Variants in SLC22A9 observed in about 807,000 individuals in gnomAD.
SLC22A9 encodes solute carrier family 22 member 9, also known as organic anion transporter 7.
SLC22A9 carries 64 observed loss-of-function variants against 50.1 expected under a neutral mutation model. The observed-to-expected ratio is 1.28, with a 90% confidence interval of 1.04 to 1.57. The LOEUF (loss-of-function observed/expected upper bound fraction) is 1.57. Among genes scored for constraint, SLC22A9 ranks in the 40% most tolerant of loss-of-function variants. The probability of loss-of-function intolerance (pLI) is 0.00; values close to 1 mark genes in which losing one functional copy is unlikely to be tolerated. For missense variants in SLC22A9, 757 were observed against 676.1 expected, an observed-to-expected ratio of 1.12 and a Z score of -1.33; for synonymous variants, 261 against 242.5, an observed-to-expected ratio of 1.08 and a Z score of -0.71.
intron 6 of SLC22A9, among the ~76,000 whole-genome samples, chr11:63,404,337 A>G (rs2015001835): frequency 6.6e-6 from 1 of 152,112 alleles, no homozygotes; most frequent in African/African-American, 2.4e-5. Flanking sequence ...GGGAGTTGTC[A>G]TTTAAGGGCA....
intron 2 of SLC22A9, among the ~76,000 whole-genome samples, chr11:63,371,455 G>A (rs2014359209): frequency 6.6e-6 from 1 of 152,062 alleles, no homozygotes; most frequent in South Asian, 2.1e-4. Context: ...GTGAACTGGG[G>A]GTGTTTCAAG....
rs1199171521 is a variant in SLC22A9 at position 63,370,095 on chromosome 11, G to C, written c.39G>C (p.Leu13=). 13 of 1,613,714 alleles carry C rather than the reference G, an allele frequency of 8.1e-6. No individual in the cohort carries two copies. The highest frequency in any genetic ancestry group is 1.3e-5 in the African/African-American group (1 of 74,928). ...ACCTCCTGGGTCACGCTGGTGACCTGTGGAGATTCCAGATCCTTCAGACTG... is the reference window on the plus strand; with the variant it reads ...ACCTCCTGGGTCACGCTGGTGACCTCTGGAGATTCCAGATCCTTCAGACTG... ...FQDLLGHAGD[L]WRFQILQTVF... is the part of the protein sequence containing the mutation. The change falls in exon 1 of 10, where the codon CTG becomes CTC. Residue 13 remains leucine (L), a synonymous_variant. Coordinates refer to ENST00000279178, the MANE Select transcript of SLC22A9 (RefSeq NM_080866.3).
intron 6 of SLC22A9, among the ~76,000 whole-genome samples, chr11:63,405,678 G>T (rs961415702): frequency 2.0e-5 from 3 of 152,138 alleles, no homozygotes; most frequent in Non-Finnish European, 2.9e-5. Context: ...TGTAATGGAG[G>T]TAAATGGACA....
At position 63,410,257 on chromosome 11, in the gene SLC22A9, A is replaced by AAAAAAAAAAAAAAAGAAGGAAAGAAAG; in HGVS notation, c.*398_*399insAAAAAAAAAAAGAAGGAAAGAAAGAAA. On this transcript the variant is annotated 3_prime_UTR_variant, in exon 10 of 10. Coordinates refer to ENST00000279178, the MANE Select transcript of SLC22A9 (RefSeq NM_080866.3). ...CTGTCTCAAAAAAAAAAAAAAAAAA[A>AAAAAAAAAAAAAAAGAAGGAAAGAAAG]AAAGAAAGAAGGAAAGAAAGAAAGA... 5 of 108,460 alleles carry AAAAAAAAAAAAAAAGAAGGAAAGAAAG rather than the reference A, an allele frequency of 4.6e-5. No homozygotes were observed. The highest frequency in any genetic ancestry group is 1.8e-4 in the African/African-American group (4 of 22,614). The allele number at this position is 108,460 out of a possible 1,614,324, so 6.7% of individuals were successfully genotyped here.
Position 63,396,341 on chromosome 11 carries a change from G to C in SLC22A9, c.1074-10156G>C, listed in dbSNP as rs114905440. On this transcript the variant is annotated intron_variant, in intron 6 of 9. Transcript: ENST00000279178. ...GTGCCAGGCAGGAATGGCTGGCATG[G>C]GGGCCTAGCAAGCTCCCAGGGCCTT... Among the ~76,000 whole-genome samples the C allele has an allele frequency of 7.1e-3, 1,077 of 152,272 alleles. 17 individuals carry two copies. The highest frequency in any genetic ancestry group is 0.024 in the African/African-American group (1,016 of 41,560).
intron 6 of SLC22A9, among the ~76,000 whole-genome samples, chr11:63,387,437 AAAG>A (rs1368384791): frequency 6.6e-6 from 1 of 152,082 alleles, no homozygotes; most frequent in African/African-American, 2.4e-5. Flanking sequence ...CCTTTCTCAA[AAAG>A]AAGTAGACTA....
chr11:63,408,583 A>T, intron 8 of SLC22A9, 93 bp from the exon 9 acceptor site: 1 of 1,145,368 alleles, frequency 8.7e-7, no homozygotes, highest in Non-Finnish European at 1.3e-6. Context: ...TGTGTGTCTA[A>T]ATGTTCCCCC....
intron 6 of SLC22A9, among the ~76,000 whole-genome samples, chr11:63,398,948 T>C (rs952936480): frequency 1.3e-5 from 2 of 152,240 alleles, no homozygotes; most frequent in Non-Finnish European, 2.9e-5. Flanking sequence ...AGAAACTTTC[T>C]ACTTCAGTGT....
In SLC22A9 at chr11:63,370,441, TC is replaced by T; in HGVS notation, c.387del (p.Thr130ProfsTer3). ...GGTGTATGACAGAATCTCCTTCTCATCCACCATCGTGACTGAGGTAAGAGGC... is the reference window on the plus strand; with the variant it reads ...GGTGTATGACAGAATCTCCTTCTCATCACCATCGTGACTGAGGTAAGAGGC... The part of the protein sequence containing the change: ...GWVYDRISFS[S>X]TIVTEWDLVC... On this transcript the variant is annotated frameshift_variant, in exon 1 of 10. Transcript: ENST00000279178. LOFTEE classifies it high-confidence loss of function. 2 of 1,591,248 alleles carry T rather than the reference TC, an allele frequency of 1.3e-6. No individual in the cohort carries two copies. The highest frequency in any genetic ancestry group is 1.7e-6 in the Non-Finnish European group (2 of 1,168,860).
intron 6 of SLC22A9, among the ~76,000 whole-genome samples, chr11:63,392,891 T>C (rs2014789060): frequency 6.6e-6 from 1 of 152,106 alleles, no homozygotes; most frequent in Non-Finnish European, 1.5e-5. Context: ...CTTCACATTT[T>C]CCAATTTCTT....
intron 6 of SLC22A9, among the ~76,000 whole-genome samples, chr11:63,397,421 T>C (rs1413629596): frequency 6.6e-6 from 1 of 152,142 alleles, no homozygotes; most frequent in African/African-American, 2.4e-5. Flanking sequence ...GGCTCTACAG[T>C]CAGCAGTTGT....
chr11:63,371,106 A>G, intron 1 of SLC22A9, 29 bp from the exon 2 acceptor site: 1 of 1,533,758 alleles, frequency 6.5e-7, no homozygotes, highest in Non-Finnish European at 9.0e-7. Context: ...GGTAATAAGC[A>G]TTGATGTGCT....
At chr11:63,390,321 T>A (rs1365383085) in intron 6 of SLC22A9, among the ~76,000 whole-genome samples, 1 of 152,072 alleles carries the variant, frequency 6.6e-6, no homozygotes, top group African/African-American at 2.4e-5. Context: ...TTTACATTTA[T>A]GTCTTTTATC....
rs746551281 is a variant in SLC22A9, at chr11:63,382,205, A to C, written c.1001A>C (p.Lys334Thr). ...MKKELEAAQK[K>T]KPSLCEMLHM... is the part of the protein sequence containing the mutation. ...AAAGAACTGGAGGCAGCACAAAAAA[A>C]AAAACCTTCTCTGTGTGAAATGCTC... is the stretch of plus-strand genomic sequence containing the variant. The change falls in exon 6 of 10, where the codon AAA (lysine) becomes ACA (threonine). Residue 334 changes from lysine (K) to threonine (T), a missense_variant. By Grantham distance (78) the Lys-to-Thr change is moderately conservative (BLOSUM62 -1). Coordinates refer to ENST00000279178, the MANE Select transcript of SLC22A9 (RefSeq NM_080866.3). 1.7e-5 allele frequency: 28 copies of C among 1,609,990 alleles called. No individual in the cohort carries two copies. Among genetic ancestry groups the C allele is most frequent in the African/African-American group, 4.0e-5 (3 of 74,544 alleles).
chr11:63,401,826 A>G (rs977735025), intron 6 of SLC22A9, among the ~76,000 whole-genome samples: 1 of 151,986 alleles, frequency 6.6e-6, no homozygotes, highest in Non-Finnish European at 1.5e-5. Context: ...CTATCTCATT[A>G]TTGCTTTCAT....
chr11:63,382,216 C>G lies in SLC22A9; in HGVS notation c.1012C>G (p.Leu338Val), dbSNP rs1220199289. The change falls in exon 6 of 10, where the codon CTG becomes GTG. Residue 338 changes from leucine to valine, a missense_variant. Leu to Val is a conservative substitution (Grantham distance 32). Coordinates refer to ENST00000279178, the MANE Select transcript of SLC22A9 (RefSeq NM_080866.3). ...LEAAQKKKPS[L>V]CEMLHMPNIC... ...GGCAGCACAAAAAAAAAAACCTTCT[C>G]TGTGTGAAATGCTCCACATGCCCAA... 4 of 1,609,356 alleles carry G rather than the reference C, an allele frequency of 2.5e-6. No individual in the cohort carries two copies. In the African/African-American group the frequency reaches 4.0e-5, roughly 16 times the overall value.
chr11:63,385,111 T>G lies in SLC22A9; in HGVS notation c.1073+2834T>G, dbSNP rs1348104723. Among the ~76,000 whole-genome samples the G allele has an allele frequency of 3.1e-4, 43 of 137,490 alleles. 1 individual carries two copies. Among genetic ancestry groups the G allele is most frequent in the Middle Eastern group, 3.7e-3 (1 of 268 alleles). The allele number at this position is 137,490 out of a possible 152,430, so 90.2% of individuals were successfully genotyped here. ...CTGTTCACTCTGATGATACAGTTTT[T>G]TTTTTTTTTTTTTTTTGCTGTGCAG... On this transcript the variant is annotated intron_variant, in intron 6 of 9. Transcript: ENST00000279178.
At chr11:63,371,998 G>A (rs1591011311) in intron 2 of SLC22A9, among the ~76,000 whole-genome samples, 1 of 152,078 alleles carries the variant, frequency 6.6e-6, no homozygotes, top group Admixed American at 6.6e-5. Flanking sequence ...TTGAATGTAC[G>A]ACAGGAAATG....
chr11:63,371,858 T>C (rs1327772482), intron 2 of SLC22A9, among the ~76,000 whole-genome samples: 1 of 152,168 alleles, frequency 6.6e-6, no homozygotes, highest in African/African-American at 2.4e-5. Flanking sequence ...TTGCTGTATG[T>C]CTCCTGACAT....
Sources: allele counts gnomAD v4.1 joint callset (sites outside exome capture counted in the v4.1 genomes callset), GRCh38; gene constraint gnomAD v4.1.1; transcripts MANE v1.5; gene names NCBI Gene and HGNC (gene_info 2026-07-23, HGNC 2026-07-21).